The following CSMD1 variants were observed in gnomAD, a reference collection of about 807,000 sequenced individuals.
CSMD1 encodes the protein CUB and Sushi multiple domains 1, also known as CUB and sushi domain-containing protein 1.
Under a neutral mutation model 417.5 loss-of-function variants are expected in CSMD1, and 213 were observed. That is an observed-to-expected ratio of 0.51 (90% CI 0.46 to 0.57). The LOEUF (loss-of-function observed/expected upper bound fraction) is 0.57, where lower values mean the gene tolerates loss of function less well. CSMD1 is among the 20% of genes least tolerant of loss of function. The pLI is 0.00. For synonymous variants in CSMD1, 2,862 were observed against 1,736.8 expected (o/e 1.65, Z -16.11); for missense variants, 6,923 against 4,529.7 (o/e 1.53, Z -15.17).
At chr8:4,057,944 G>T (rs1010126672) in intron 3 of CSMD1, among the ~76,000 whole-genome samples, 6 of 150,936 alleles carry the variant, frequency 4.0e-5, no homozygotes, top group Admixed American at 1.3e-4. Context: ...TAGCCTTGTA[G>T]CATAGTTTGA....
chr8:3,722,821 G>C (rs539653681), intron 6 of CSMD1, among the ~76,000 whole-genome samples: 9 of 152,312 alleles, frequency 5.9e-5, no homozygotes, highest in Non-Finnish European at 1.3e-4. Flanking sequence ...TGCTGGTCTT[G>C]AGGAAAAATA....
At chr8:4,918,825 A>G (rs1332888782) in intron 1 of CSMD1, among the ~76,000 whole-genome samples, 1 of 152,256 alleles carries the variant, frequency 6.6e-6, no homozygotes, top group Non-Finnish European at 1.5e-5. Flanking sequence ...ATGTTTGTAC[A>G]TATATGCAGA....
intron 37 of CSMD1, among the ~76,000 whole-genome samples, chr8:3,165,473 C>G (rs1820148673): frequency 6.6e-6 from 1 of 151,524 alleles, no homozygotes; most frequent in Admixed American, 6.6e-5. Flanking sequence ...ACTCTGTCGC[C>G]CAGGCTGGAG....
At chr8:3,501,850 A>C (rs1306181197) in intron 10 of CSMD1, among the ~76,000 whole-genome samples, 1 of 152,218 alleles carries the variant, frequency 6.6e-6, no homozygotes, top group African/African-American at 2.4e-5. Flanking sequence ...GCCAATCATA[A>C]AACAACTAAA....
At chr8:4,752,299 C>T (rs1453730516) in intron 1 of CSMD1, among the ~76,000 whole-genome samples, 3 of 152,226 alleles carry the variant, frequency 2.0e-5, no homozygotes, top group Non-Finnish European at 2.9e-5. Context: ...TAAAATAACC[C>T]TCTTTCACCT....
chr8:3,259,957 A>G (rs1347760226), intron 26 of CSMD1, among the ~76,000 whole-genome samples: 3 of 152,360 alleles, frequency 2.0e-5, no homozygotes, highest in South Asian at 2.1e-4. Flanking sequence ...ACACAGCCAC[A>G]GAGCTGAGGA....
intron 2 of CSMD1, among the ~76,000 whole-genome samples, chr8:4,479,073 C>A (rs990494245): frequency 1.3e-4 from 20 of 152,090 alleles, no homozygotes; most frequent in African/African-American, 4.8e-4. Flanking sequence ...CAAATGTTTA[C>A]GTGTGTAAAG....
chr8:4,030,690 C>A (rs534052903), intron 4 of CSMD1, among the ~76,000 whole-genome samples: 3 of 152,314 alleles, frequency 2.0e-5, no homozygotes, highest in African/African-American at 7.2e-5. Context: ...GTTACTTATA[C>A]AAATTTCTGC....
intron 3 of CSMD1, among the ~76,000 whole-genome samples, chr8:4,354,344 G>T (rs905032227): frequency 1.3e-5 from 2 of 152,036 alleles, no homozygotes; most frequent in Non-Finnish European, 2.9e-5. Context: ...TTTTGAGGTT[G>T]GGAAACCATT....
chr8:4,454,824 G>A (rs1007730610), intron 2 of CSMD1, among the ~76,000 whole-genome samples: 1 of 152,234 alleles, frequency 6.6e-6, no homozygotes, highest in East Asian at 1.9e-4. Flanking sequence ...TCAACCATAA[G>A]AAGAGCAAAG....
intron 4 of CSMD1, among the ~76,000 whole-genome samples, chr8:4,012,601 T>G (rs911068697): frequency 6.6e-6 from 1 of 152,106 alleles, no homozygotes; most frequent in Non-Finnish European, 1.5e-5. Context: ...TAGGCCTCAG[T>G]GACTATGTCA....
intron 7 of CSMD1, among the ~76,000 whole-genome samples, chr8:3,635,746 G>A (rs1253080374): frequency 7.1e-6 from 1 of 141,784 alleles, no homozygotes; most frequent in Non-Finnish European, 1.5e-5. Flanking sequence ...GCCTCCCGAA[G>A]TGCTGGGATT....
intron 1 of CSMD1, among the ~76,000 whole-genome samples, chr8:4,972,060 G>T (rs750874870): frequency 6.6e-6 from 1 of 151,978 alleles, no homozygotes; most frequent in African/African-American, 2.4e-5. Context: ...AAGGTGAAGA[G>T]GTAAGCGATA....
At chr8:3,247,978 G>A (rs576095609) in intron 26 of CSMD1, among the ~76,000 whole-genome samples, 7 of 152,080 alleles carry the variant, frequency 4.6e-5, no homozygotes, top group Non-Finnish European at 1.0e-4. Flanking sequence ...TCTGCAGGTC[G>A]CCAATTGTTT....
rs536461033 is a variant in CSMD1 at position 4,080,375 on chromosome 8, T to C, written c.416-48276A>G. On this transcript the variant is annotated intron_variant, in intron 3 of 69. Coordinates refer to ENST00000635120, the MANE Select transcript of CSMD1 (RefSeq NM_033225.6). ...GAAGCAAAATCTACACAAACAGGTA[T>C]CAGAATTCTACATATTGAATTTCCA... Among the ~76,000 whole-genome samples the C allele has an allele frequency of 1.2e-4, 18 of 152,326 alleles. No individual in the cohort carries two copies. The East Asian group carries it at 3.3e-3, about 28-fold the overall frequency.
At chr8:3,631,673 G>A (rs1796790112) in intron 7 of CSMD1, among the ~76,000 whole-genome samples, 2 of 152,226 alleles carry the variant, frequency 1.3e-5, no homozygotes, top group African/African-American at 2.4e-5. Flanking sequence ...TGGAATAATG[G>A]AAGATTGAAG....
At chr8:3,658,729 G>C (rs1563243002) in intron 7 of CSMD1, among the ~76,000 whole-genome samples, 1 of 152,190 alleles carries the variant, frequency 6.6e-6, no homozygotes, top group Admixed American at 6.5e-5. Context: ...GTTGCAGTGA[G>C]CCAAGATCGT....
rs1195136292 is a variant in CSMD1 at position 3,142,445 on chromosome 8, T to C, written c.6241+20A>G. 9 of 1,598,710 alleles carry C rather than the reference T, an allele frequency of 5.6e-6. No homozygotes were observed. The highest frequency in any genetic ancestry group is 7.7e-6 in the Non-Finnish European group (9 of 1,169,494). On this transcript the variant is annotated intron_variant, in intron 41 of 69. Coordinates refer to ENST00000635120, the MANE Select transcript of CSMD1 (RefSeq NM_033225.6). ...AAGTGTATTTAGATTTGGGTTTCGG[T>C]TCTCGTTGTTGTTCCATACCTTGGT...
chr8:3,612,993 G>T (rs1241508972), intron 8 of CSMD1, among the ~76,000 whole-genome samples: 3 of 151,934 alleles, frequency 2.0e-5, no homozygotes, highest in Non-Finnish European at 4.4e-5. Flanking sequence ...AAAGTAAATT[G>T]TATTTTTTTG....
Sources: allele counts gnomAD v4.1 joint callset (sites outside exome capture counted in the v4.1 genomes callset), GRCh38; gene constraint gnomAD v4.1.1; transcripts MANE v1.5; gene names NCBI Gene and HGNC (gene_info 2026-07-23, HGNC 2026-07-21).